UST: variants seen among roughly 807,000 people sequenced by gnomAD.
UST encodes the protein uronyl 2-sulfotransferase, also known as chondroitin sulfate 2-O-sulfotransferase.
A neutral mutation model predicts 45.6 loss-of-function variants in UST; 21 were observed. The ratio of observed to expected loss-of-function variants is 0.46; its 90% confidence interval spans 0.33 to 0.66. The LOEUF is 0.66. Among genes scored for constraint, UST ranks in the 30% least tolerant of loss-of-function variants. The pLI is 0.02. For synonymous variants in UST, 215 were observed against 200.6 expected (o/e 1.07, Z -0.61); for missense variants, 463 against 512.4 (o/e 0.90, Z 0.93).
At chr6:148,815,647 G>A (rs1777340588) in intron 1 of UST, among the ~76,000 whole-genome samples, 1 of 152,112 alleles carries the variant, frequency 6.6e-6, no homozygotes, top group Admixed American at 6.5e-5. Context: ...CATTAAATAT[G>A]AAAATTGTCT....
chr6:148,940,561 A>G (rs1780106459), intron 2 of UST, among the ~76,000 whole-genome samples: 1 of 152,162 alleles, frequency 6.6e-6, no homozygotes, highest in African/African-American at 2.4e-5. Context: ...TGGAACCCTC[A>G]TATGTTGTTG....
At position 149,021,473 on chromosome 6, in the gene UST, A is replaced by G; in HGVS notation, c.929A>G (p.Lys310Arg). 1 of 1,614,104 alleles carries G rather than the reference A, an allele frequency of 6.2e-7. No individual in the cohort carries two copies. Among genetic ancestry groups the G allele is most frequent in the Non-Finnish European group, 8.5e-7 (1 of 1,180,012 alleles). Residue 310 changes from lysine to arginine, a missense_variant, in exon 7 of 8, where the codon AAA becomes AGA. By Grantham distance (26) the Lys-to-Arg change is conservative (BLOSUM62 2). Coordinates refer to ENST00000367463, the MANE Select transcript of UST (RefSeq NM_005715.3). ...TTCAAGGGCGTGCTCAGTATCTACA[A>G]AGACCCAGGTAACTTCATTTGTAAG... Reference protein sequence around the residue: ...HYFKGVLSIYKDPEHRKLGNM... With the variant: ...HYFKGVLSIYRDPEHRKLGNM...
At chr6:149,061,374 C>T (rs1776653007) in intron 7 of UST, among the ~76,000 whole-genome samples, 1 of 152,182 alleles carries the variant, frequency 6.6e-6, no homozygotes, top group Non-Finnish European at 1.5e-5. Flanking sequence ...TATGTCAATG[C>T]AGCAGAGGTA....
intron 1 of UST, among the ~76,000 whole-genome samples, chr6:148,814,282 A>G (rs1235878966): frequency 6.6e-6 from 1 of 152,194 alleles, no homozygotes; most frequent in African/African-American, 2.4e-5. Context: ...ATGCTGTACA[A>G]ATAAACCTAA....
At chr6:149,045,888 C>A (rs1412178433) in intron 7 of UST, among the ~76,000 whole-genome samples, 1 of 152,174 alleles carries the variant, frequency 6.6e-6, no homozygotes, top group Non-Finnish European at 1.5e-5. Context: ...GAAGTCCTTT[C>A]AATTATACCT....
intron 7 of UST, among the ~76,000 whole-genome samples, chr6:149,062,951 G>T (rs1456489278): frequency 6.6e-6 from 1 of 152,212 alleles, no homozygotes; most frequent in Non-Finnish European, 1.5e-5. Context: ...CACTGTTCGG[G>T]CTACTATTTG....
At chr6:149,060,601 G>A (rs1214004137) in intron 7 of UST, among the ~76,000 whole-genome samples, 2 of 152,222 alleles carry the variant, frequency 1.3e-5, no homozygotes, top group African/African-American at 4.8e-5. Context: ...GTGCAGGGCT[G>A]TATGGGAATG....
chr6:149,023,651 C>G (rs1473757074), intron 7 of UST, among the ~76,000 whole-genome samples: 1 of 152,168 alleles, frequency 6.6e-6, no homozygotes, highest in Non-Finnish European at 1.5e-5. Context: ...ACCATCCATC[C>G]TGAGGTCTGG....
At chr6:148,998,696 T>C (rs778293650) in intron 5 of UST, among the ~76,000 whole-genome samples, 1 of 152,244 alleles carries the variant, frequency 6.6e-6, no homozygotes, top group Non-Finnish European at 1.5e-5. Context: ...GACCTCCTGC[T>C]TATTTTAAGA....
chr6:148,808,765 T>C (rs1777197975), intron 1 of UST, among the ~76,000 whole-genome samples: 1 of 152,142 alleles, frequency 6.6e-6, no homozygotes, highest in Admixed American at 6.5e-5. Flanking sequence ...TGATTAGGTT[T>C]AGATGAAATC....
chr6:149,023,893 A>G (rs1776015190), intron 7 of UST, among the ~76,000 whole-genome samples: 1 of 152,218 alleles, frequency 6.6e-6, no homozygotes, highest in Non-Finnish European at 1.5e-5. Context: ...CCGTGATCTG[A>G]AAGTTCGTTA....
intron 1 of UST, among the ~76,000 whole-genome samples, chr6:148,848,194 C>A (rs978120822): frequency 2.0e-5 from 3 of 152,098 alleles, no homozygotes; most frequent in African/African-American, 7.2e-5. Flanking sequence ...TTAGGAGATA[C>A]CTGGAAGATG....
chr6:148,924,814 A>G (rs948048662), intron 2 of UST, among the ~76,000 whole-genome samples: 2 of 152,144 alleles, frequency 1.3e-5, no homozygotes, highest in Admixed American at 1.3e-4. Flanking sequence ...TCTCTCAGCC[A>G]GGCTGCATGA....
At chr6:148,905,246 C>CCCTGCGAATGAACCCCCA (rs1779333944) in intron 2 of UST, among the ~76,000 whole-genome samples, 1 of 152,180 alleles carries the variant, frequency 6.6e-6, no homozygotes, top group Non-Finnish European at 1.5e-5. Flanking sequence ...TCCCTGGTCC[C>CCCTGCGAATGAACCCCCA]TGACACCCTG....
intron 1 of UST, among the ~76,000 whole-genome samples, chr6:148,847,845 G>A (rs748317016): frequency 7.9e-5 from 12 of 152,192 alleles, no homozygotes; most frequent in Non-Finnish European, 5.9e-5. Context: ...AAGATTGATT[G>A]GAAAACATGA....
intron 1 of UST, among the ~76,000 whole-genome samples, chr6:148,773,666 A>G (rs1331725150): frequency 6.6e-6 from 1 of 152,184 alleles, no homozygotes; most frequent in South Asian, 2.1e-4. Flanking sequence ...TTTTGTTCAC[A>G]TATTTTTGTA....
intron 5 of UST, among the ~76,000 whole-genome samples, chr6:148,987,710 G>C (rs1781263561): frequency 6.6e-6 from 1 of 151,956 alleles, no homozygotes; most frequent in South Asian, 2.1e-4. Flanking sequence ...TTTGTTTCAG[G>C]ACCCACCGTG....
At chr6:149,004,656 A>C (rs1203106105) in intron 5 of UST, among the ~76,000 whole-genome samples, 2 of 152,214 alleles carry the variant, frequency 1.3e-5, no homozygotes, top group Non-Finnish European at 2.9e-5. Context: ...CTCTTATAGA[A>C]TCTAGATGAA....
intron 7 of UST, among the ~76,000 whole-genome samples, chr6:149,035,324 T>C (rs1379769451): frequency 2.0e-5 from 3 of 152,250 alleles, no homozygotes; most frequent in Non-Finnish European, 4.4e-5. Flanking sequence ...TTAAGCGTTT[T>C]CATTTATTCC....
Sources: allele counts gnomAD v4.1 joint callset (sites outside exome capture counted in the v4.1 genomes callset), GRCh38; gene constraint gnomAD v4.1.1; transcripts MANE v1.5; gene names NCBI Gene and HGNC (gene_info 2026-07-23, HGNC 2026-07-21).